ZRANB3: variants seen among roughly 807,000 people sequenced by gnomAD.
The protein encoded by ZRANB3 is zinc finger RANBP2-type containing 3.
ZRANB3 carries 125 observed loss-of-function variants against 133.8 expected under a neutral mutation model. The observed-to-expected ratio is 0.93, with a 90% CI of 0.81 to 1.08. The LOEUF (loss-of-function observed/expected upper bound fraction) is 1.08. ZRANB3 is among the 50% of genes least tolerant of loss of function. ZRANB3 has a pLI of 0.00. For missense variants in ZRANB3, 1,229 were observed against 1,275.5 expected, an observed-to-expected ratio of 0.96 and a Z score of 0.56; for synonymous variants, 387 against 432.7, an observed-to-expected ratio of 0.89 and a Z score of 1.31.
At chr2:135,470,423 C>T (rs1026419039) in intron 2 of ZRANB3, among the ~76,000 whole-genome samples, 4 of 152,184 alleles carry the variant, frequency 2.6e-5, no homozygotes, top group Admixed American at 6.5e-5. Flanking sequence ...CGGTGGCTCA[C>T]GCCTGTAATC....
intron 3 of ZRANB3, among the ~76,000 whole-genome samples, chr2:135,379,460 C>T (rs1686586428): frequency 6.6e-6 from 1 of 152,162 alleles, no homozygotes. Context: ...CTGAATCACT[C>T]CAATTATTTC....
intron 6 of ZRANB3, among the ~76,000 whole-genome samples, chr2:135,341,361 CTTCCCCA>C (rs1374223063): frequency 6.7e-6 from 1 of 149,972 alleles, no homozygotes; most frequent in Non-Finnish European, 1.5e-5. Context: ...ACATGTATCA[CTTCCCCA>C]ATCAATACTC....
At chr2:135,251,248 C>T (rs1679379461) in intron 12 of ZRANB3, among the ~76,000 whole-genome samples, 1 of 152,152 alleles carries the variant, frequency 6.6e-6, no homozygotes, top group African/African-American at 2.4e-5. Flanking sequence ...TAACCTGTAC[C>T]CCCATTGTAT....
intron 2 of ZRANB3, among the ~76,000 whole-genome samples, chr2:135,498,881 T>C (rs1483633185): frequency 2.6e-5 from 4 of 152,186 alleles, no homozygotes; most frequent in African/African-American, 7.2e-5. Context: ...AGACTGGTTG[T>C]CTTCTCTCAA....
At chr2:135,418,786 C>T (rs908101611) in intron 2 of ZRANB3, among the ~76,000 whole-genome samples, 2 of 151,916 alleles carry the variant, frequency 1.3e-5, no homozygotes, top group Non-Finnish European at 2.9e-5. Flanking sequence ...GCTGAGGGGC[C>T]CAGAGGAGCT....
chr2:135,372,587 A>T (rs1686232750), intron 3 of ZRANB3, among the ~76,000 whole-genome samples: 1 of 152,038 alleles, frequency 6.6e-6, no homozygotes, highest in Non-Finnish European at 1.5e-5. Context: ...GGAGATCGAG[A>T]CCATCCTGGC....
chr2:135,403,315 C>T (rs545961919), intron 2 of ZRANB3, among the ~76,000 whole-genome samples: 9 of 152,242 alleles, frequency 5.9e-5, no homozygotes, highest in Admixed American at 3.3e-4. Flanking sequence ...TATCCCGCAC[C>T]TGGCTCGGAG....
intron 2 of ZRANB3, among the ~76,000 whole-genome samples, chr2:135,437,111 CA>C (rs1689569921): frequency 2.6e-5 from 4 of 152,306 alleles, no homozygotes; most frequent in Admixed American, 1.3e-4. Flanking sequence ...AGGTGCCCGC[CA>C]CCATGCCCAG....
chr2:135,234,176 A>G (rs889308296), intron 12 of ZRANB3, among the ~76,000 whole-genome samples: 30 of 152,350 alleles, frequency 2.0e-4, no homozygotes, highest in Admixed American at 1.5e-3. Context: ...TTAAACCAAC[A>G]AAGATCAAAA....
chr2:135,315,440 T>A lies in ZRANB3; in HGVS notation c.768A>T (p.Arg256Ser), dbSNP rs1351694606. Residue 256 changes from arginine (R) to serine (S), a missense_variant, in exon 7 of 21, where the codon AGA (arginine) becomes AGT (serine). Arg to Ser is a moderately radical substitution (Grantham distance 110). Coordinates refer to ENST00000264159, the MANE Select transcript of ZRANB3 (RefSeq NM_032143.4). ...HQLLSDIMIR[R>S]LKTEVLTQLP... ...GCTGGGTTAAAACTTCAGTCTTTAATCTTCTAATCATTATGTCACTTAATA... is the reference window on the plus strand; with the variant it reads ...GCTGGGTTAAAACTTCAGTCTTTAAACTTCTAATCATTATGTCACTTAATA... 1 of 1,603,976 alleles carries A rather than the reference T, an allele frequency of 6.2e-7. No individual in the cohort carries two copies. Among genetic ancestry groups the A allele is most frequent in the Non-Finnish European group, 8.5e-7 (1 of 1,176,132 alleles).
chr2:135,402,881 T>C (rs1687805167), intron 2 of ZRANB3, among the ~76,000 whole-genome samples: 1 of 152,178 alleles, frequency 6.6e-6, no homozygotes, highest in African/African-American at 2.4e-5. Flanking sequence ...CCACCGCACC[T>C]GGCCAGTCCA....
intron 2 of ZRANB3, among the ~76,000 whole-genome samples, chr2:135,457,880 T>C (rs1379369906): frequency 6.6e-6 from 1 of 152,132 alleles, no homozygotes; most frequent in African/African-American, 2.4e-5. Flanking sequence ...TCTTTATTAA[T>C]GATGTCCTTT....
At chr2:135,283,802 C>T (rs1302841136) in intron 8 of ZRANB3, among the ~76,000 whole-genome samples, 3 of 151,908 alleles carry the variant, frequency 2.0e-5, no homozygotes, top group South Asian at 2.1e-4. Flanking sequence ...TTTTCCATGC[C>T]TATTTAGGGA....
intron 8 of ZRANB3, among the ~76,000 whole-genome samples, chr2:135,292,579 T>C (rs910288834): frequency 1.8e-4 from 28 of 152,238 alleles, no homozygotes; most frequent in African/African-American, 6.8e-4. Flanking sequence ...TCTTTTGCCG[T>C]GCAGAAGCTC....
At chr2:135,442,486 C>T (rs1185560695) in intron 2 of ZRANB3, among the ~76,000 whole-genome samples, 1 of 152,160 alleles carries the variant, frequency 6.6e-6, no homozygotes, top group African/African-American at 2.4e-5. Context: ...CAAATCAAAA[C>T]CACAGTGAGA....
intron 6 of ZRANB3, among the ~76,000 whole-genome samples, chr2:135,320,940 G>A (rs1455934027): frequency 6.6e-6 from 1 of 152,068 alleles, no homozygotes; most frequent in Non-Finnish European, 1.5e-5. Flanking sequence ...TTAGCATATT[G>A]CATTTGAAAG....
intron 2 of ZRANB3, among the ~76,000 whole-genome samples, chr2:135,500,627 G>A (rs1247517299): frequency 6.6e-6 from 1 of 152,098 alleles, no homozygotes; most frequent in Admixed American, 6.6e-5. Flanking sequence ...ATTGGGAAGA[G>A]GCAAGAGGGA....
intron 3 of ZRANB3, among the ~76,000 whole-genome samples, chr2:135,377,151 G>C (rs1573999266): frequency 6.6e-6 from 1 of 152,174 alleles, no homozygotes; most frequent in Non-Finnish European, 1.5e-5. Context: ...CCCACTGTTA[G>C]GGTTAAAGAT....
At chr2:135,422,903 G>C (rs1416826594) in intron 2 of ZRANB3, among the ~76,000 whole-genome samples, 2 of 152,154 alleles carry the variant, frequency 1.3e-5, no homozygotes, top group African/African-American at 4.8e-5. Context: ...CACAAAGTGG[G>C]TGGTTTAAAA....
Sources: gnomAD v4.1 joint callset for allele counts (sites outside exome capture counted in the v4.1 genomes callset) on GRCh38, gnomAD v4.1.1 for gene constraint, MANE v1.5 for transcripts, NCBI Gene and HGNC (gene_info 2026-07-23, HGNC 2026-07-21) for gene names.